NTN1: variants seen among roughly 807,000 people sequenced by gnomAD.
NTN1 encodes the protein netrin 1.
A neutral mutation model predicts 54.2 loss-of-function variants in NTN1; 11 were observed. The ratio of observed to expected loss-of-function variants is 0.20; its 90% CI spans 0.13 to 0.34. The LOEUF (loss-of-function observed/expected upper bound fraction) is 0.34. Among genes scored for constraint, NTN1 ranks in the 10% least tolerant of loss-of-function variants. The pLI is 1.00. For synonymous variants in NTN1, 371 were observed against 382.0 expected, an observed-to-expected ratio of 0.97 and a Z score of 0.33; for missense variants, 740 against 893.1, an observed-to-expected ratio of 0.83 and a Z score of 2.18.
At chr17:9,120,390 C>T (rs2092228506) in intron 2 of NTN1, among the ~76,000 whole-genome samples, 1 of 152,078 alleles carries the variant, frequency 6.6e-6, no homozygotes, top group African/African-American at 2.4e-5. Flanking sequence ...TTGGGCTTCT[C>T]TCCCCCACGT....
At chr17:9,202,464 A>G (rs1423984207) in intron 5 of NTN1, among the ~76,000 whole-genome samples, 2 of 152,152 alleles carry the variant, frequency 1.3e-5, no homozygotes, top group African/African-American at 2.4e-5. Flanking sequence ...GTCTGTGGGT[A>G]CCTGGAGTGT....
intron 2 of NTN1, among the ~76,000 whole-genome samples, chr17:9,126,282 G>A (rs1490469987): frequency 6.6e-6 from 1 of 152,248 alleles, no homozygotes; most frequent in African/African-American, 2.4e-5. Flanking sequence ...GCCAAGGCGG[G>A]TAGATCACCT....
chr17:9,093,188 G>A (rs539110570), intron 2 of NTN1, among the ~76,000 whole-genome samples: 64 of 152,284 alleles, frequency 4.2e-4, no homozygotes, highest in African/African-American at 9.9e-4. Flanking sequence ...CCACCATACC[G>A]GCCTGATAAA....
chr17:9,097,894 C>T (rs763382192), intron 2 of NTN1, among the ~76,000 whole-genome samples: 1 of 151,916 alleles, frequency 6.6e-6, no homozygotes, highest in Non-Finnish European at 1.5e-5. Flanking sequence ...AGTGAACATC[C>T]ATGTAAATAT....
chr17:9,224,722 C>T (rs1567744150), intron 6 of NTN1, among the ~76,000 whole-genome samples: 1 of 152,238 alleles, frequency 6.6e-6, no homozygotes, highest in Non-Finnish European at 1.5e-5. Flanking sequence ...CCTGCCCCCA[C>T]ACCCATGGCC....
At position 9,178,352 on chromosome 17, in the gene NTN1, C is replaced by T. The variant is rs1007028901; in HGVS notation, c.1208-1455C>T. Reference sequence around the variant, plus strand: ...TCCTCCCACCTGATGGGGGCACCCCCAGCCCTGGGACCCTCACTCTGAGTG... The same window carrying T: ...TCCTCCCACCTGATGGGGGCACCCCTAGCCCTGGGACCCTCACTCTGAGTG... On this transcript the variant is annotated intron_variant, in intron 3 of 6. Transcript: ENST00000173229. Among the ~76,000 whole-genome samples the T allele has an allele frequency of 3.9e-5, 6 of 152,250 alleles. No homozygotes were observed. The East Asian group carries it at 9.6e-4, about 24-fold the overall frequency.
At chr17:9,042,438 G>A (rs2091925151) in intron 2 of NTN1, among the ~76,000 whole-genome samples, 1 of 151,508 alleles carries the variant, frequency 6.6e-6, no homozygotes, top group Admixed American at 6.6e-5. Flanking sequence ...CGCTATGACT[G>A]CACCTGTGAA....
chr17:9,175,037 C>G (rs2092396427), intron 3 of NTN1: 1 of 152,314 alleles, frequency 6.6e-6, no homozygotes, highest in Admixed American at 6.5e-5. Context: ...CCCCTGGAGC[C>G]AGAGTCCTCA....
At chr17:9,180,716 C>T (rs1446198401) in intron 4 of NTN1, among the ~76,000 whole-genome samples, 5 of 152,180 alleles carry the variant, frequency 3.3e-5, no homozygotes, top group Non-Finnish European at 7.3e-5. Flanking sequence ...CCATGCACGG[C>T]ACCTGTGTCC....
chr17:9,215,378 A>G (rs1555577292), intron 5 of NTN1, among the ~76,000 whole-genome samples: 1 of 152,152 alleles, frequency 6.6e-6, no homozygotes, highest in Non-Finnish European at 1.5e-5. Flanking sequence ...ATTATGTTTA[A>G]GAACCAAATT....
chr17:9,146,270 G>A (rs997609392), intron 2 of NTN1, among the ~76,000 whole-genome samples: 2 of 152,206 alleles, frequency 1.3e-5, no homozygotes, highest in African/African-American at 4.8e-5. Context: ...CACAGAGACT[G>A]CTCCACGTGA....
chr17:9,041,671 T>A (rs571348164), intron 2 of NTN1, among the ~76,000 whole-genome samples: 1 of 152,304 alleles, frequency 6.6e-6, no homozygotes. Flanking sequence ...GGACATCTGC[T>A]TTCTCTGGGG....
chr17:9,212,544 C>T lies in NTN1; in HGVS notation c.1412-8624C>T, dbSNP rs952126006. Reference sequence around the variant, plus strand: ...CTGCTGGTGGGCAGAATGGCCCAGCCGAAATGGACAGAGCTGGCTGGGTGC... The same window carrying T: ...CTGCTGGTGGGCAGAATGGCCCAGCTGAAATGGACAGAGCTGGCTGGGTGC... On this transcript the variant is annotated intron_variant, in intron 5 of 6. Transcript: ENST00000173229. The surrounding 1 kb of genome is among the most constrained non-coding windows in gnomAD (Gnocchi z 5.5). 2.0e-5 allele frequency among the ~76,000 whole-genome samples: 3 copies of T among 152,226 alleles called. No individual in the cohort carries two copies. The highest frequency in any genetic ancestry group is 1.9e-4 in the East Asian group (1 of 5,194).
chr17:9,216,003 C>T (rs577552379), intron 5 of NTN1, among the ~76,000 whole-genome samples: 105 of 152,352 alleles, frequency 6.9e-4, no homozygotes, highest in Middle Eastern at 6.8e-3. Context: ...CTCTGTCACT[C>T]AGGCTAAAGT....
chr17:9,008,776 G>A, the NTN1 span, among the ~76,000 whole-genome samples: 1 of 152,238 alleles, frequency 6.6e-6, no homozygotes, highest in Non-Finnish European at 1.5e-5. Context: ...TTCAGAAGAG[G>A]AAGTTGATAC....
At chr17:9,096,167 C>T (rs1010684268) in intron 2 of NTN1, among the ~76,000 whole-genome samples, 1 of 152,054 alleles carries the variant, frequency 6.6e-6, no homozygotes, top group South Asian at 2.1e-4. Context: ...ATGGTTTCCT[C>T]ATCTATGTCC....
At chr17:9,043,858 G>A (rs563061104) in intron 2 of NTN1, among the ~76,000 whole-genome samples, 1 of 152,084 alleles carries the variant, frequency 6.6e-6, no homozygotes, top group East Asian at 1.9e-4. Context: ...GGGATTACAG[G>A]CGTGAACCAC....
intron 2 of NTN1, among the ~76,000 whole-genome samples, chr17:9,149,252 A>ACCCC (rs397768689): frequency 2.0e-5 from 3 of 148,388 alleles, no homozygotes; most frequent in East Asian, 2.0e-4. Context: ...ATTGGAAGGA[A>ACCCC]CCCCCCCCAC....
At position 9,185,809 on chromosome 17, in the gene NTN1, T is replaced by C. The variant is rs190828972; in HGVS notation, c.1411+2840T>C. Among the ~76,000 whole-genome samples the C allele has an allele frequency of 3.3e-3, 497 of 152,244 alleles. 2 individuals carry two copies. Among genetic ancestry groups the C allele is most frequent in the African/African-American group, 0.011 (474 of 41,542 alleles). The stretch of plus-strand genomic sequence containing the variant: ...GGGAGTTCTTGATTTGCAAATTGTT[T>C]GTTTGGTTTTGTGGTGGCCATTTGG... On this transcript the variant is annotated intron_variant, in intron 5 of 6. Transcript: ENST00000173229.
Sources: allele counts gnomAD v4.1 joint callset (sites outside exome capture counted in the v4.1 genomes callset), GRCh38; gene constraint gnomAD v4.1.1; non-coding constraint Gnocchi (gnomAD v3.1); transcripts MANE v1.5; gene names NCBI Gene and HGNC (gene_info 2026-07-23, HGNC 2026-07-21).